SLC19A2: variants seen among roughly 807,000 people sequenced by gnomAD.
SLC19A2 encodes solute carrier family 19 member 2.
In SLC19A2, 27 loss-of-function variants were observed where a neutral mutation model predicts 44.7. The observed-to-expected ratio is 0.60, with a 90% CI of 0.45 to 0.83. The LOEUF is 0.83. Ranked by LOEUF, SLC19A2 falls within the 40% of genes least tolerant of loss-of-function variation. SLC19A2 has a pLI of 0.00. For synonymous variants in SLC19A2, 239 were observed against 243.6 expected, an observed-to-expected ratio of 0.98 and a Z score of 0.18; for missense variants, 566 against 613.7, an observed-to-expected ratio of 0.92 and a Z score of 0.82.
chr1:169,469,168 A>G, intron 3 of SLC19A2: 1 of 332,352 alleles, frequency 3.0e-6, no homozygotes, highest in East Asian at 7.8e-5. Context: ...ATTTGGCATC[A>G]TGGCAGGATG....
rs1657965300 is a variant in SLC19A2 at position 169,465,504 on chromosome 1, C to T, written c.*345G>A. 3.2e-6 allele frequency: 1 copy of T among 316,502 alleles called. No individual in the cohort carries two copies. The highest frequency in any genetic ancestry group is 3.0e-5 in the South Asian group (1 of 33,346). 19.6% of individuals were successfully genotyped at this position (316,502 alleles called of 1,614,324 possible). A position where few individuals can be genotyped will look rare whatever the true frequency, so the allele number is the denominator to read the frequency against. On this transcript the variant is annotated 3_prime_UTR_variant, in exon 6 of 6. Transcript: ENST00000236137. ...AAGCATCTGGCTAAGTAGATACAGA[C>T]ATATGTGACCTATAAAACACCAAAC...
chr1:169,472,161 A>G (rs1658201269), intron 2 of SLC19A2, among the ~76,000 whole-genome samples: 1 of 152,196 alleles, frequency 6.6e-6, no homozygotes, highest in South Asian at 2.1e-4. Flanking sequence ...TCACAAGACA[A>G]TTGTTAATCA....
chr1:169,485,530 GC>G, intron 1 of SLC19A2, 32 bp downstream of exon 1: 1 of 1,559,306 alleles, frequency 6.4e-7, no homozygotes, highest in Non-Finnish European at 8.7e-7. Context: ...CCGGTCGCCC[GC>G]CCTTCCCGCG....
At chr1:169,479,474 T>C (rs529260839) in intron 1 of SLC19A2, among the ~76,000 whole-genome samples, 1 of 152,354 alleles carries the variant, frequency 6.6e-6, no homozygotes, top group East Asian at 1.9e-4. Context: ...GTAGACAACA[T>C]TCTTTTAGTT....
At chr1:169,469,642 T>C (rs952169122) in intron 3 of SLC19A2, among the ~76,000 whole-genome samples, 1 of 152,176 alleles carries the variant, frequency 6.6e-6, no homozygotes, top group African/African-American at 2.4e-5. Flanking sequence ...TAAACTATTA[T>C]ATATTGCCAT....
chr1:169,466,059 T>A, intron 5 of SLC19A2, 82 bp from the exon 6 acceptor site: 1 of 1,552,948 alleles, frequency 6.4e-7, no homozygotes, highest in Non-Finnish European at 8.8e-7. Flanking sequence ...AATTTGTCCA[T>A]AAAGCCTCAA....
rs1658342429 is a variant in SLC19A2, at chr1:169,477,250, C to A, written c.712G>T (p.Val238Phe). 1 of 1,614,144 alleles carries A rather than the reference C, an allele frequency of 6.2e-7. No individual in the cohort carries two copies. The change falls in exon 2 of 6, where the codon GTT (valine) becomes TTT (phenylalanine). Residue 238 changes from valine to phenylalanine, a missense_variant. Physicochemically the swap from Val to Phe is conservative, Grantham distance 50. Transcript: ENST00000236137. ...TGGTTAGAAGCTGGGGTGTCAGTAA[C>A]AATGCCACCATTTTGTACCTTGATG... is the stretch of plus-strand genomic sequence containing the variant. ...NGIKVQNGGIVTDTPASNHLP... is the reference protein window; with the variant it reads ...NGIKVQNGGIFTDTPASNHLP...
intron 2 of SLC19A2, among the ~76,000 whole-genome samples, chr1:169,471,741 A>G (rs1444463478): frequency 6.7e-6 from 1 of 149,186 alleles, no homozygotes; most frequent in Non-Finnish European, 1.5e-5. Flanking sequence ...TATAAAATTA[A>G]TAGATATTTT....
At chr1:169,475,687 C>T (rs1658288769) in intron 2 of SLC19A2, among the ~76,000 whole-genome samples, 1 of 152,152 alleles carries the variant, frequency 6.6e-6, no homozygotes, top group Non-Finnish European at 1.5e-5. Context: ...AAAAAATCAG[C>T]ATTTCATTGC....
At position 169,485,923 on chromosome 1, in the gene SLC19A2, G is replaced by A. The variant is rs757861063; in HGVS notation, c.-157C>T. 2.3e-6 allele frequency: 2 copies of A among 884,900 alleles called. No individual in the cohort carries two copies. Among genetic ancestry groups the A allele is most frequent in the Non-Finnish European group, 1.7e-6 (1 of 596,858 alleles). The allele number at this position is 884,900 out of a possible 1,614,324, so 54.8% of individuals were successfully genotyped here. ...GCCGCCTCCGGCTACAGAACCCCCA[G>A]CTTTACCCTACAGACGCCTCTAGGG... On this transcript the variant is annotated 5_prime_UTR_variant, in exon 1 of 6. Coordinates refer to ENST00000236137, the MANE Select transcript of SLC19A2 (RefSeq NM_006996.3).
At chr1:169,481,201 T>G (rs1557893132) in intron 1 of SLC19A2, among the ~76,000 whole-genome samples, 1 of 151,180 alleles carries the variant, frequency 6.6e-6, no homozygotes, top group Non-Finnish European at 1.5e-5. Context: ...TTCTCTCTAT[T>G]TAATCCAAAC....
intron 2 of SLC19A2, among the ~76,000 whole-genome samples, chr1:169,471,950 A>G (rs72706076): frequency 0.053 from 8,058 of 152,112 alleles, 263 homozygotes; most frequent in Middle Eastern, 0.11. Context: ...TCCTTCAAGT[A>G]CCATTACTAC....
chr1:169,468,300 A>G (rs1658083336), intron 4 of SLC19A2, 48 bp from the exon 5 acceptor site: 1 of 1,452,598 alleles, frequency 6.9e-7, no homozygotes. Flanking sequence ...CTTCTGGAGT[A>G]CTTATAATAT....
At chr1:169,472,590 C>A (rs796525855) in intron 2 of SLC19A2, among the ~76,000 whole-genome samples, 10 of 152,258 alleles carry the variant, frequency 6.6e-5, no homozygotes, top group African/African-American at 2.4e-4. Context: ...CTTAAAAAGT[C>A]ATGGCATACA....
rs774331597 is a variant in SLC19A2, at chr1:169,477,767, A to C, written c.205-10T>G. 1 of 1,598,944 alleles carries C rather than the reference A, an allele frequency of 6.3e-7. No homozygotes were observed. The highest frequency in any genetic ancestry group is 8.5e-7 in the Non-Finnish European group (1 of 1,171,792). ...AAATTTCATTGAAGACCTGGTAGAA[A>C]GAGAAAAAAAAAAAACAAAAAACAT... is the stretch of plus-strand genomic sequence containing the variant. On this transcript the variant is annotated splice_polypyrimidine_tract_variant and intron_variant, in intron 1 of 5. Transcript: ENST00000236137.
In SLC19A2 at chr1:169,465,823, A is replaced by G. The variant is rs770711548; in HGVS notation, c.*26T>C. The G allele has an allele frequency of 1.9e-6, 3 of 1,612,664 alleles. No homozygotes were observed. Among genetic ancestry groups the G allele is most frequent in the Non-Finnish European group, 1.7e-6 (2 of 1,179,356 alleles). On this transcript the variant is annotated 3_prime_UTR_variant, in exon 6 of 6. Transcript: ENST00000236137. ...GCAGTTGCTGTGCAGAGTTCTTGCT[A>G]TAAGAAGAAGCCCTTCAGCAGTATA...
Position 169,485,723 on chromosome 1 carries a change from G to A in SLC19A2, c.44C>T (p.Ala15Val). Residue 15 changes from alanine (A) to valine (V), a missense_variant, in exon 1 of 6, where the codon GCG becomes GTG. Coordinates refer to ENST00000236137, the MANE Select transcript of SLC19A2 (RefSeq NM_006996.3). ...GPVSRRAAAA[A>V]ATVLLRTARV... ...AGCGGTCCGCAGGAGCACAGTGGCC[G>A]CCGCCGCCGCCGCCCGCCGAGACAC... is the stretch of plus-strand genomic sequence containing the variant. 2 of 1,534,010 alleles carry A rather than the reference G, an allele frequency of 1.3e-6. No homozygotes were observed.
At chr1:169,468,024 G>C (rs1658074814) in intron 5 of SLC19A2, 87 bp downstream of exon 5, 12 of 1,329,504 alleles carry the variant, frequency 9.0e-6, no homozygotes, top group Non-Finnish European at 1.3e-5. Flanking sequence ...CCTATTGTTT[G>C]GATTTGTTTT....
intron 1 of SLC19A2, 30 bp downstream of exon 1, chr1:169,485,533 C>G (rs1658537326): frequency 1.3e-6 from 2 of 1,562,968 alleles, no homozygotes; most frequent in Non-Finnish European, 1.7e-6. Flanking sequence ...GTCGCCCGCC[C>G]TTCCCGCGCC....
Sources: gnomAD v4.1 joint callset for allele counts (sites outside exome capture counted in the v4.1 genomes callset) on GRCh38, gnomAD v4.1.1 for gene constraint, MANE v1.5 for transcripts, NCBI Gene and HGNC (gene_info 2026-07-23, HGNC 2026-07-21) for gene names.